IGSF11: variants seen among roughly 807,000 people sequenced by gnomAD.
IGSF11 encodes CXADR like 1.
A neutral mutation model predicts 41.0 loss-of-function variants in IGSF11; 22 were observed. The observed-to-expected ratio is 0.54, with a 90% CI of 0.38 to 0.77. The LOEUF (loss-of-function observed/expected upper bound fraction) is 0.77, where lower values mean the gene tolerates loss of function less well. Among genes scored for constraint, IGSF11 ranks in the 30% least tolerant of loss-of-function variants. The probability of loss-of-function intolerance (pLI) is 0.00; values close to 1 mark genes in which losing one functional copy is unlikely to be tolerated. For missense variants in IGSF11, 444 were observed against 530.8 expected, an observed-to-expected ratio of 0.84 and a Z score of 1.61; for synonymous variants, 219 against 201.3, an observed-to-expected ratio of 1.09 and a Z score of -0.74.
intron 1 of IGSF11, among the ~76,000 whole-genome samples, chr3:118,958,934 G>A (rs768375021): frequency 1.3e-5 from 2 of 152,170 alleles, no homozygotes; most frequent in African/African-American, 2.4e-5. Flanking sequence ...ATTAATAGAA[G>A]TCATCATTTC....
intron 1 of IGSF11, among the ~76,000 whole-genome samples, chr3:118,945,479 A>T (rs931137272): frequency 6.6e-6 from 1 of 152,250 alleles, no homozygotes; most frequent in Non-Finnish European, 1.5e-5. Flanking sequence ...GAAATTCAAA[A>T]ATGAAATGTA....
intron 1 of IGSF11, among the ~76,000 whole-genome samples, chr3:118,935,630 C>T (rs976512938): frequency 2.0e-5 from 3 of 151,632 alleles, no homozygotes; most frequent in Non-Finnish European, 4.4e-5. Context: ...ATTAGGGCTG[C>T]GGTACACTAA....
At chr3:119,114,307 C>T (rs1280929314) in intron 1 of IGSF11, among the ~76,000 whole-genome samples, 1 of 152,214 alleles carries the variant, frequency 6.6e-6, no homozygotes, top group Admixed American at 6.5e-5. Context: ...AACTTTTATA[C>T]TCTGTTACCC....
At chr3:118,912,772 T>G (rs755920790) in intron 4 of IGSF11, among the ~76,000 whole-genome samples, 4 of 152,138 alleles carry the variant, frequency 2.6e-5, no homozygotes, top group Non-Finnish European at 5.9e-5. Context: ...TTAGTATGCT[T>G]ACAATTATTA....
rs556377415 is a variant in IGSF11 at position 118,980,241 on chromosome 3, C to G, written c.53-49966G>C. 5.9e-5 allele frequency among the ~76,000 whole-genome samples: 9 copies of G among 152,236 alleles called. No homozygotes were observed. The South Asian group carries it at 1.7e-3, about 28-fold the overall frequency. ...CTGTACCCTCACATTCACTGCAGCA[C>G]TATTCATAGTAGCAAAGATATGGAA... On this transcript the variant is annotated intron_variant, in intron 1 of 6. Coordinates refer to ENST00000393775, the MANE Select transcript of IGSF11 (RefSeq NM_001015887.3).
At chr3:119,127,333 AAATGAAAAGG>A (rs2077417547) in intron 1 of IGSF11, among the ~76,000 whole-genome samples, 1 of 152,070 alleles carries the variant, frequency 6.6e-6, no homozygotes, top group Admixed American at 6.6e-5. Flanking sequence ...TTAAAAAAAA[AAATGAAAAGG>A]AATGAAAAAA....
intron 1 of IGSF11, among the ~76,000 whole-genome samples, chr3:118,961,584 T>C (rs1382656100): frequency 6.6e-6 from 1 of 151,970 alleles, no homozygotes; most frequent in African/African-American, 2.4e-5. Context: ...TCTAAAAACA[T>C]AGGAGAAAAG....
At chr3:118,980,440 C>T (rs988419135) in intron 1 of IGSF11, among the ~76,000 whole-genome samples, 7 of 152,132 alleles carry the variant, frequency 4.6e-5, no homozygotes, top group Non-Finnish European at 1.0e-4. Flanking sequence ...ATTATGTGTT[C>T]TCACTCATAC....
chr3:118,970,501 T>C (rs1268221920), intron 1 of IGSF11, among the ~76,000 whole-genome samples: 1 of 152,194 alleles, frequency 6.6e-6, no homozygotes, highest in African/African-American at 2.4e-5. Context: ...GAAAATAAAA[T>C]AAATTCATGG....
At chr3:119,004,206 C>A (rs1158202304) in intron 1 of IGSF11, among the ~76,000 whole-genome samples, 1 of 149,994 alleles carries the variant, frequency 6.7e-6, no homozygotes, top group African/African-American at 2.5e-5. Context: ...GTGTATGTGT[C>A]GAGGAATGTA....
chr3:119,051,280 A>G (rs1414979866), intron 1 of IGSF11, among the ~76,000 whole-genome samples: 1 of 152,114 alleles, frequency 6.6e-6, no homozygotes, highest in Non-Finnish European at 1.5e-5. Context: ...GTAGAAAAAG[A>G]TATTCCATGC....
intron 1 of IGSF11, among the ~76,000 whole-genome samples, chr3:119,063,617 CG>C (rs1942125926): frequency 6.6e-6 from 1 of 152,132 alleles, no homozygotes; most frequent in South Asian, 2.1e-4. Flanking sequence ...AGATAGGGGA[CG>C]TCTTACTTTT....
intron 1 of IGSF11, among the ~76,000 whole-genome samples, chr3:119,029,237 T>TACACACACACACAC (rs10662902): frequency 1.7e-4 from 21 of 123,140 alleles, no homozygotes; most frequent in Admixed American, 2.6e-4. Flanking sequence ...CTTTTGGGAA[T>TACACACACACACAC]ACACACACAC....
intron 3 of IGSF11, among the ~76,000 whole-genome samples, chr3:118,926,769 T>G (rs912756142): frequency 5.3e-5 from 8 of 152,084 alleles, no homozygotes; most frequent in Non-Finnish European, 1.2e-4. Flanking sequence ...AAGGTTCAGG[T>G]AAAAGCAGAG....
chr3:118,977,428 T>C (rs1393874986), intron 1 of IGSF11, among the ~76,000 whole-genome samples: 1 of 152,134 alleles, frequency 6.6e-6, no homozygotes, highest in African/African-American at 2.4e-5. Flanking sequence ...AAAAAGACAA[T>C]GTCCCAGCTT....
chr3:119,134,719 T>C (rs1383913626), intron 1 of IGSF11, among the ~76,000 whole-genome samples: 3 of 152,082 alleles, frequency 2.0e-5, no homozygotes, highest in African/African-American at 7.2e-5. Context: ...CTAAAGTTCA[T>C]ATGGAACCAA....
chr3:119,074,256 A>T (rs1332260124), intron 1 of IGSF11, among the ~76,000 whole-genome samples: 1 of 152,186 alleles, frequency 6.6e-6, no homozygotes, highest in South Asian at 2.1e-4. Flanking sequence ...CTGATGACAT[A>T]TTTGACCATA....
intron 1 of IGSF11, among the ~76,000 whole-genome samples, chr3:118,938,905 G>A (rs979209253): frequency 2.0e-5 from 3 of 152,152 alleles, no homozygotes; most frequent in African/African-American, 7.2e-5. Context: ...TCCTGTGTAT[G>A]CACCTCACAA....
chr3:118,921,577 T>C (rs1941802041), intron 4 of IGSF11, among the ~76,000 whole-genome samples: 2 of 152,114 alleles, frequency 1.3e-5, no homozygotes, highest in South Asian at 4.1e-4. Flanking sequence ...TCAGTCTTCA[T>C]CCAACCATAA....
Sources: gnomAD v4.1 joint callset for allele counts (sites outside exome capture counted in the v4.1 genomes callset) on GRCh38, gnomAD v4.1.1 for gene constraint, MANE v1.5 for transcripts, NCBI Gene and HGNC (gene_info 2026-07-23, HGNC 2026-07-21) for gene names.